Variants in KCNQ1 observed in about 807,000 individuals in gnomAD.
KCNQ1 encodes the protein potassium voltage-gated channel subfamily Q member 1, also known as potassium voltage-gated channel subfamily KQT member 1.
In KCNQ1, 49 loss-of-function variants were observed where a neutral mutation model predicts 72.4. The observed-to-expected ratio is 0.68, with a 90% CI of 0.54 to 0.86. The LOEUF is 0.86. Ranked by LOEUF, KCNQ1 falls within the 40% of genes least tolerant of loss-of-function variation. KCNQ1 has a pLI of 0.00. For synonymous variants in KCNQ1, 450 were observed against 412.6 expected (o/e 1.09, Z -1.10); for missense variants, 790 against 945.1 (o/e 0.84, Z 2.15).
chr11:2,473,105 C>A lies in KCNQ1; in HGVS notation c.386+27621C>A, dbSNP rs989907073. Among the ~76,000 whole-genome samples the A allele has an allele frequency of 1.3e-5, 2 of 152,080 alleles. No individual in the cohort carries two copies. The highest frequency in any genetic ancestry group is 2.9e-5 in the Non-Finnish European group (2 of 68,010). The stretch of plus-strand genomic sequence containing the variant: ...GCAGAGTGGCACACAGGGTCCCACC[C>A]ATCTCAAGTCCATGGGATTAACTCC... On this transcript the variant is annotated intron_variant, in intron 1 of 15. Transcript: ENST00000155840. The surrounding 1 kb of genome is among the most constrained non-coding windows in gnomAD (Gnocchi z 6.0).
chr11:2,728,824 C>T (rs572718997), intron 11 of KCNQ1, among the ~76,000 whole-genome samples: 89 of 152,328 alleles, frequency 5.8e-4, no homozygotes, highest in African/African-American at 1.9e-3. Context: ...CCCAGAGGGC[C>T]GGCCGCAGTG....
At position 2,691,247 on chromosome 11, in the gene KCNQ1, G is replaced by T. The variant is rs1850583239; in HGVS notation, c.1514+29166G>T. 1 of 398,632 alleles carries T rather than the reference G, an allele frequency of 2.5e-6. No homozygotes were observed. The highest frequency in any genetic ancestry group is 4.4e-6 in the Non-Finnish European group (1 of 226,102). 24.7% of individuals were successfully genotyped at this position (398,632 alleles called of 1,614,324 possible). ...AGAGGATCTGCAGTTAACCCCTTGA[G>T]TCTCGGAAGGCTGTTTGAGCCACTA... On this transcript the variant is annotated intron_variant, in intron 11 of 15. Coordinates refer to ENST00000155840, the MANE Select transcript of KCNQ1 (RefSeq NM_000218.3). The surrounding 1 kb of genome is among the most constrained non-coding windows in gnomAD (Gnocchi z 6.4).
In KCNQ1 at chr11:2,557,591, C is replaced by T. The variant is rs1047240819; in HGVS notation, c.478-13037C>T. On this transcript the variant is annotated intron_variant, in intron 2 of 15. Coordinates refer to ENST00000155840, the MANE Select transcript of KCNQ1 (RefSeq NM_000218.3). ...GGCAGGGCTCAGTGGGACGGCTCAT[C>T]TCCCCTCTGCATAGTATCAGCTGGG... Among the ~76,000 whole-genome samples, 22 of 152,258 alleles carry T rather than the reference C, an allele frequency of 1.4e-4. 1 individual carries two copies. The highest frequency in any genetic ancestry group is 5.3e-4 in the African/African-American group (22 of 41,468).
rs1369733329 is a variant in KCNQ1 at position 2,445,329 on chromosome 11, C to T, written c.231C>T (p.Ser77=). The change falls in exon 1 of 16, where the codon TCC becomes TCT. Residue 77 remains serine, a synonymous_variant. Transcript: ENST00000155840. ...PAAPAAPPVA[S]DLGPRPPVSL... is the part of the protein sequence containing the mutation. The stretch of plus-strand genomic sequence containing the variant: ...CGCCCGCCGCGCCCCCAGTTGCCTC[C>T]GACCTTGGCCCGCGGCCGCCGGTGA... 5.7e-6 allele frequency: 9 copies of T among 1,578,742 alleles called. No individual in the cohort carries two copies. Among genetic ancestry groups the T allele is most frequent in the Non-Finnish European group, 7.7e-6 (9 of 1,170,534 alleles).
rs925902995 is a variant in KCNQ1, at chr11:2,680,500, A to G, written c.1514+18419A>G. ...TTTTTTAATTTGGGCATTTTTTAAA[A>G]TAAATTTTTATTTTGAGATAATTGT... is the stretch of plus-strand genomic sequence containing the variant. On this transcript the variant is annotated intron_variant, in intron 11 of 15. Transcript: ENST00000155840. 6 of 398,538 alleles carry G rather than the reference A, an allele frequency of 1.5e-5. No individual in the cohort carries two copies. The Admixed American group carries it at 2.2e-4, about 15-fold the overall frequency. 24.7% of individuals were successfully genotyped at this position (398,538 alleles called of 1,614,324 possible). A position where few individuals can be genotyped will look rare whatever the true frequency, so the allele number is the denominator to read the frequency against.
At chr11:2,578,214 G>A (rs949648831) in intron 6 of KCNQ1, among the ~76,000 whole-genome samples, 22 of 152,194 alleles carry the variant, frequency 1.4e-4, no homozygotes, top group South Asian at 4.1e-4. Context: ...GCACCTTCCC[G>A]AGAGGGGGAA....
At chr11:2,709,956 G>T (rs1318104569) in intron 11 of KCNQ1, among the ~76,000 whole-genome samples, 2 of 152,284 alleles carry the variant, frequency 1.3e-5, no homozygotes, top group South Asian at 4.2e-4. Context: ...ATTTGGGTAC[G>T]AGTTTTTATT....
Position 2,595,946 on chromosome 11 carries a change from A to G in KCNQ1, c.1393+7092A>G, listed in dbSNP as rs1313899239. Among the ~76,000 whole-genome samples, 3 of 152,234 alleles carry G rather than the reference A, an allele frequency of 2.0e-5. No homozygotes were observed. The highest frequency in any genetic ancestry group is 7.2e-5 in the African/African-American group (3 of 41,458). The stretch of plus-strand genomic sequence containing the variant: ...GAAGAACGTCAAAATATCAGCATTA[A>G]CAGGAATTGGGAAAAAGTTGATTCC... On this transcript the variant is annotated intron_variant, in intron 10 of 15. Coordinates refer to ENST00000155840, the MANE Select transcript of KCNQ1 (RefSeq NM_000218.3). The surrounding 1 kb of genome is among the most constrained non-coding windows in gnomAD (Gnocchi z 5.0).
At chr11:2,625,382 C>T (rs976472834) in intron 10 of KCNQ1, 18 of 398,460 alleles carry the variant, frequency 4.5e-5, no homozygotes, top group African/African-American at 1.4e-4. Flanking sequence ...TAACCTCCCA[C>T]GTAGCTGATA....
Position 2,579,288 on chromosome 11 carries a change from C to T in KCNQ1, c.922-4147C>T, listed in dbSNP as rs1334335684. On this transcript the variant is annotated intron_variant, in intron 6 of 15. Coordinates refer to ENST00000155840, the MANE Select transcript of KCNQ1 (RefSeq NM_000218.3). The surrounding 1 kb of genome is among the most constrained non-coding windows in gnomAD (Gnocchi z 6.0). Reference sequence around the variant, plus strand: ...ACTAGAAGGCTCCCCATGCCTCCCGCCCCTTCACATGGGAGTGAAGGCACA... The same window carrying T: ...ACTAGAAGGCTCCCCATGCCTCCCGTCCCTTCACATGGGAGTGAAGGCACA... Among the ~76,000 whole-genome samples, 9 of 152,346 alleles carry T rather than the reference C, an allele frequency of 5.9e-5. No individual in the cohort carries two copies. The East Asian group carries it at 1.7e-3, about 29-fold the overall frequency.
At position 2,645,287 on chromosome 11, in the gene KCNQ1, C is replaced by T; in HGVS notation, c.1394-16674C>T. 7.5e-6 allele frequency: 3 copies of T among 398,646 alleles called. No individual in the cohort carries two copies. The highest frequency in any genetic ancestry group is 8.8e-6 in the Non-Finnish European group (2 of 226,158). The allele number at this position is 398,646 out of a possible 1,614,324, so 24.7% of individuals were successfully genotyped here. On this transcript the variant is annotated intron_variant, in intron 10 of 15. Coordinates refer to ENST00000155840, the MANE Select transcript of KCNQ1 (RefSeq NM_000218.3). This position sits in a 1 kb window ranked among gnomAD's most constrained non-coding sequence, Gnocchi z 5.8. ...TCAGTTGGGTAGGGCAGTCCTCAAG[C>T]CCCCAGGAGTGCTCAGGTGCCAACA...
intron 11 of KCNQ1, among the ~76,000 whole-genome samples, chr11:2,742,649 T>C (rs1315527577): frequency 6.6e-6 from 1 of 152,230 alleles, no homozygotes; most frequent in Non-Finnish European, 1.5e-5. Context: ...TCGGTGTTTG[T>C]CCAGGCTCTG....
rs1366291396 is a variant in KCNQ1 at position 2,550,372 on chromosome 11, G to T, written c.478-20256G>T. On this transcript the variant is annotated intron_variant, in intron 2 of 15. Transcript: ENST00000155840. The surrounding 1 kb of genome is among the most constrained non-coding windows in gnomAD (Gnocchi z 6.0). The stretch of plus-strand genomic sequence containing the variant: ...CACCCCCTGCTAGGGTCCCTCTGGG[G>T]GTTGAATGAAAAGGCATAGGTAGAA... 1.3e-5 allele frequency among the ~76,000 whole-genome samples: 2 copies of T among 152,184 alleles called. No individual in the cohort carries two copies. Among genetic ancestry groups the T allele is most frequent in the Non-Finnish European group, 2.9e-5 (2 of 68,024 alleles).
In KCNQ1 at chr11:2,549,353, C is replaced by T. The variant is rs1266767951; in HGVS notation, c.478-21275C>T. The stretch of plus-strand genomic sequence containing the variant: ...CCTGGGTCCAGGCACCTGGGGCGAC[C>T]CTCCTTGGCCGTCCTTGCCATCCTC... On this transcript the variant is annotated intron_variant, in intron 2 of 15. Coordinates refer to ENST00000155840, the MANE Select transcript of KCNQ1 (RefSeq NM_000218.3). This position sits in a 1 kb window ranked among gnomAD's most constrained non-coding sequence, Gnocchi z 6.2. Among the ~76,000 whole-genome samples the T allele has an allele frequency of 6.6e-6, 1 of 151,776 alleles. No individual in the cohort carries two copies.
intron 15 of KCNQ1, among the ~76,000 whole-genome samples, chr11:2,805,221 C>CA (rs1847348121): frequency 6.6e-6 from 1 of 152,172 alleles, no homozygotes; most frequent in Non-Finnish European, 1.5e-5. Context: ...GCTGGGGACC[C>CA]AGGTCACAGA....
At chr11:2,485,137 C>T (rs965409139) in intron 1 of KCNQ1, among the ~76,000 whole-genome samples, 1 of 152,198 alleles carries the variant, frequency 6.6e-6, no homozygotes, top group Non-Finnish European at 1.5e-5. Flanking sequence ...TCTGTACTCC[C>T]TTCAGTGTGA....
At chr11:2,675,555 A>G (rs1190036052) in intron 11 of KCNQ1, 1 of 398,566 alleles carries the variant, frequency 2.5e-6, no homozygotes, top group African/African-American at 2.1e-5. Flanking sequence ...AAATTCTGTA[A>G]TAAGACATAC....
rs915140449 is a variant in KCNQ1, at chr11:2,566,197, G to T, written c.478-4431G>T. On this transcript the variant is annotated intron_variant, in intron 2 of 15. Transcript: ENST00000155840. This position sits in a 1 kb window ranked among gnomAD's most constrained non-coding sequence, Gnocchi z 6.7. ...CCTGGTGTCCTTATCTCATGTCTGG[G>T]TCCCCTTTGCCAAGGGTCCTCCAGC... Among the ~76,000 whole-genome samples, 5 of 152,028 alleles carry T rather than the reference G, an allele frequency of 3.3e-5. No individual in the cohort carries two copies. The highest frequency in any genetic ancestry group is 4.8e-5 in the African/African-American group (2 of 41,384).
intron 2 of KCNQ1, among the ~76,000 whole-genome samples, chr11:2,558,339 G>A (rs1051751062): frequency 6.6e-6 from 1 of 152,288 alleles, no homozygotes; most frequent in Non-Finnish European, 1.5e-5. Flanking sequence ...TGCACACTGT[G>A]TAAGCATACG....
Sources: allele counts gnomAD v4.1 joint callset (sites outside exome capture counted in the v4.1 genomes callset), GRCh38; gene constraint gnomAD v4.1.1; non-coding constraint Gnocchi (gnomAD v3.1); transcripts MANE v1.5; gene names NCBI Gene and HGNC (gene_info 2026-07-23, HGNC 2026-07-21).